CCDC85C: variants seen among roughly 807,000 people sequenced by gnomAD.
CCDC85C encodes the protein coiled-coil domain-containing protein 85C.
Under a neutral mutation model 38.3 loss-of-function variants are expected in CCDC85C, and 18 were observed. The ratio of observed to expected loss-of-function variants is 0.47; its 90% confidence interval spans 0.33 to 0.70. The LOEUF (loss-of-function observed/expected upper bound fraction) is 0.70, where lower values mean the gene tolerates loss of function less well. Among genes scored for constraint, CCDC85C ranks in the 30% least tolerant of loss-of-function variants. The probability of loss-of-function intolerance (pLI) is 0.03; values close to 1 mark genes in which losing one functional copy is unlikely to be tolerated. For synonymous variants in CCDC85C, 264 were observed against 293.8 expected, an observed-to-expected ratio of 0.90 and a Z score of 1.04; for missense variants, 566 against 621.2, an observed-to-expected ratio of 0.91 and a Z score of 0.94.
chr14:99,528,175 C>A (rs928653258), intron 2 of CCDC85C, among the ~76,000 whole-genome samples: 39 of 152,114 alleles, frequency 2.6e-4, no homozygotes, highest in African/African-American at 8.9e-4. Context: ...TCCCGACCCC[C>A]ACAAACACCA....
intron 1 of CCDC85C, among the ~76,000 whole-genome samples, chr14:99,560,041 C>T (rs74332252): frequency 2.0e-5 from 3 of 152,008 alleles, no homozygotes; most frequent in Non-Finnish European, 4.4e-5. Flanking sequence ...CTAGGCCCCA[C>T]TCACCCCCTG....
intron 1 of CCDC85C, among the ~76,000 whole-genome samples, chr14:99,559,215 T>C (rs1179946784): frequency 2.7e-5 from 4 of 150,786 alleles, no homozygotes; most frequent in Admixed American, 2.0e-4. Context: ...AATACAGGAG[T>C]CCCCCCGAGA....
At chr14:99,528,933 C>T (rs542789231) in intron 2 of CCDC85C, among the ~76,000 whole-genome samples, 45 of 152,170 alleles carry the variant, frequency 3.0e-4, no homozygotes, top group Middle Eastern at 3.4e-3. Flanking sequence ...CAAACTACCA[C>T]GGCACACGTG....
rs533916319 is a variant in CCDC85C, at chr14:99,537,902, G to A, written c.794-1814C>T. 1.4e-4 allele frequency among the ~76,000 whole-genome samples: 21 copies of A among 152,288 alleles called. 1 individual carries two copies. The highest frequency in any genetic ancestry group is 6.8e-3 in the Middle Eastern group (2 of 294). On this transcript the variant is annotated intron_variant, in intron 1 of 5. Coordinates refer to ENST00000380243, the MANE Select transcript of CCDC85C (RefSeq NM_001144995.2). ...CATGGGGAGGTAGGGTGCAGCCTAGGCTCCCCAAACCTTCATGTCCTGTAC... is the reference window on the plus strand; with the variant it reads ...CATGGGGAGGTAGGGTGCAGCCTAGACTCCCCAAACCTTCATGTCCTGTAC...
chr14:99,553,553 CG>C (rs1369126744), intron 1 of CCDC85C, among the ~76,000 whole-genome samples: 3 of 152,114 alleles, frequency 2.0e-5, no homozygotes, highest in Non-Finnish European at 2.9e-5. Context: ...TTAGTAGAGA[CG>C]GGGTTTCACC....
chr14:99,594,722 A>G (rs990950208), intron 1 of CCDC85C, among the ~76,000 whole-genome samples: 1 of 152,080 alleles, frequency 6.6e-6, no homozygotes, highest in South Asian at 2.1e-4. Flanking sequence ...CAAGCTTCCT[A>G]TTTTACAGAT....
In CCDC85C at chr14:99,572,051, G is replaced by C. The variant is rs1161613357; in HGVS notation, c.793+31116C>G. On this transcript the variant is annotated intron_variant, in intron 1 of 5. Coordinates refer to ENST00000380243, the MANE Select transcript of CCDC85C (RefSeq NM_001144995.2). The surrounding 1 kb of genome is among the most constrained non-coding windows in gnomAD (Gnocchi z 4.4). ...GCACCCTTCCACGGGGCATCTCAGA[G>C]CGTGATCCCCAGAGCCCCCAACCCT... 6.6e-6 allele frequency among the ~76,000 whole-genome samples: 1 copy of C among 152,302 alleles called. No homozygotes were observed. The highest frequency in any genetic ancestry group is 1.9e-4 in the East Asian group (1 of 5,178).
At chr14:99,541,772 A>G (rs1223263493) in intron 1 of CCDC85C, among the ~76,000 whole-genome samples, 2 of 152,190 alleles carry the variant, frequency 1.3e-5, no homozygotes, top group Non-Finnish European at 2.9e-5. Context: ...CTGGGCATCA[A>G]CAGTGTCTGT....
chr14:99,516,127 TG>T lies in CCDC85C; in HGVS notation c.1170+60del. ...CACATGGGGAAGGGTATGGCCATGC[TG>T]GGTGGCCCTGGTCGCACTCCCAGTG... On this transcript the variant is annotated intron_variant, in intron 5 of 5. Transcript: ENST00000380243. The surrounding 1 kb of genome is among the most constrained non-coding windows in gnomAD (Gnocchi z 5.5). 7.8e-7 allele frequency: 1 copy of T among 1,274,292 alleles called. No homozygotes were observed. 78.9% of individuals were successfully genotyped at this position (1,274,292 alleles called of 1,614,324 possible).
chr14:99,530,621 G>A (rs1414868114), intron 2 of CCDC85C, among the ~76,000 whole-genome samples: 3 of 152,238 alleles, frequency 2.0e-5, no homozygotes, highest in Admixed American at 6.5e-5. Flanking sequence ...AAAGAGCAGC[G>A]GTTCCTTGGG....
intron 1 of CCDC85C, among the ~76,000 whole-genome samples, chr14:99,570,807 G>T (rs922576057): frequency 6.6e-6 from 1 of 152,148 alleles, no homozygotes; most frequent in African/African-American, 2.4e-5. Flanking sequence ...ACACACAAAC[G>T]GTGGGGCATT....
At chr14:99,602,884 C>T (rs766817752) in intron 1 of CCDC85C, among the ~76,000 whole-genome samples, 1 of 152,212 alleles carries the variant, frequency 6.6e-6, no homozygotes, top group Non-Finnish European at 1.5e-5. Flanking sequence ...GTGACAGACC[C>T]TAATTTTGGC....
rs544787299 is a variant in CCDC85C, at chr14:99,595,055, G to A, written c.793+8112C>T. On this transcript the variant is annotated intron_variant, in intron 1 of 5. Coordinates refer to ENST00000380243, the MANE Select transcript of CCDC85C (RefSeq NM_001144995.2). ...TTAGAGCTAGAACTGCCCACACCCC[G>A]AAGGAAAGCCCAACCTAGGGACTTC... is the stretch of plus-strand genomic sequence containing the variant. Among the ~76,000 whole-genome samples, 16 of 152,242 alleles carry A rather than the reference G, an allele frequency of 1.1e-4. 1 individual carries two copies. Among genetic ancestry groups the A allele is most frequent in the African/African-American group, 2.4e-4 (10 of 41,542 alleles).
intron 1 of CCDC85C, among the ~76,000 whole-genome samples, chr14:99,553,837 G>T (rs982361435): frequency 6.6e-6 from 1 of 152,204 alleles, no homozygotes; most frequent in Non-Finnish European, 1.5e-5. Context: ...CTGAGGGCAG[G>T]GTCCACCCAC....
intron 1 of CCDC85C, among the ~76,000 whole-genome samples, chr14:99,560,570 G>A (rs528798849): frequency 5.9e-5 from 9 of 152,294 alleles, no homozygotes; most frequent in South Asian, 4.2e-4. Context: ...CCAGCATCAC[G>A]CCCGCCTCAC....
Position 99,586,886 on chromosome 14 carries a change from G to A in CCDC85C, c.793+16281C>T, listed in dbSNP as rs200402364. ...TAGCACACCCCAAATCCCACCAGGC[G>A]GCCTCAGGGCTGGGCACCACAGCCA... On this transcript the variant is annotated intron_variant, in intron 1 of 5. Coordinates refer to ENST00000380243, the MANE Select transcript of CCDC85C (RefSeq NM_001144995.2). Among the ~76,000 whole-genome samples the A allele has an allele frequency of 6.7e-4, 102 of 152,266 alleles. No individual in the cohort carries two copies. The East Asian group carries it at 0.015, about 23-fold the overall frequency.
intron 3 of CCDC85C, among the ~76,000 whole-genome samples, chr14:99,519,520 G>A (rs1897275346): frequency 6.6e-6 from 1 of 152,094 alleles, no homozygotes; most frequent in Admixed American, 6.5e-5. Flanking sequence ...CCAAGTCTGT[G>A]GGACTCCTGA....
At chr14:99,584,016 G>A (rs2055002087) in intron 1 of CCDC85C, among the ~76,000 whole-genome samples, 1 of 152,006 alleles carries the variant, frequency 6.6e-6, no homozygotes, top group Non-Finnish European at 1.5e-5. Context: ...GGGGAAGCTG[G>A]CGGAAGGGTA....
intron 1 of CCDC85C, among the ~76,000 whole-genome samples, chr14:99,571,487 T>C (rs1943952798): frequency 6.6e-6 from 1 of 152,204 alleles, no homozygotes; most frequent in African/African-American, 2.4e-5. Context: ...ACTGGAAGGC[T>C]GAGACGCAGA....
Sources: allele counts gnomAD v4.1 joint callset (sites outside exome capture counted in the v4.1 genomes callset), GRCh38; gene constraint gnomAD v4.1.1; non-coding constraint Gnocchi (gnomAD v3.1); transcripts MANE v1.5; gene names NCBI Gene and HGNC (gene_info 2026-07-23, HGNC 2026-07-21).